Variants in ATXN1 observed in about 807,000 individuals in gnomAD.
The protein encoded by ATXN1 is ataxin-1.
A neutral mutation model predicts 56.4 loss-of-function variants in ATXN1; 8 were observed. The observed-to-expected ratio is 0.14, with a 90% CI of 0.08 to 0.26. The LOEUF (loss-of-function observed/expected upper bound fraction) is 0.26, where lower values mean the gene tolerates loss of function less well. ATXN1 is among the 10% of genes least tolerant of loss of function. ATXN1 has a pLI of 1.00. For missense variants in ATXN1, 987 were observed against 1,106.5 expected (o/e 0.89, Z 1.53); for synonymous variants, 514 against 494.6 (o/e 1.04, Z -0.52).
intron 6 of ATXN1, among the ~76,000 whole-genome samples, chr6:16,453,033 C>G (rs1160345616): frequency 6.6e-6 from 1 of 152,120 alleles, no homozygotes; most frequent in Non-Finnish European, 1.5e-5. Flanking sequence ...GTGATTTAGT[C>G]TTTAAAGTAA....
At chr6:16,383,613 G>A (rs147577993) in intron 6 of ATXN1, among the ~76,000 whole-genome samples, 275 of 152,184 alleles carry the variant, frequency 1.8e-3, no homozygotes, top group Non-Finnish European at 3.0e-3. Context: ...TGCTACTAAC[G>A]GCTTTGCCTA....
intron 3 of ATXN1, among the ~76,000 whole-genome samples, chr6:16,644,588 A>G (rs139888970): frequency 0.013 from 1,550 of 121,470 alleles, 12 homozygotes; most frequent in Non-Finnish European, 0.021. Flanking sequence ...GTGTGTGTGT[A>G]TACACACACA....
intron 6 of ATXN1, among the ~76,000 whole-genome samples, chr6:16,448,631 T>C (rs1441779505): frequency 2.0e-5 from 3 of 152,232 alleles, no homozygotes; most frequent in African/African-American, 7.2e-5. Flanking sequence ...TCTGTAAGTA[T>C]TGGCTCAATA....
chr6:16,436,984 G>A (rs1453376535), intron 6 of ATXN1, among the ~76,000 whole-genome samples: 2 of 152,160 alleles, frequency 1.3e-5, no homozygotes, highest in Non-Finnish European at 2.9e-5. Flanking sequence ...AGGCATCAAG[G>A]ACAACGTCAA....
rs114112534 is a variant in ATXN1 at position 16,366,431 on chromosome 6, G to A, written c.-160-37961C>T. 8.2e-3 allele frequency among the ~76,000 whole-genome samples: 1,242 copies of A among 152,116 alleles called. 3 individuals carry two copies. The highest frequency in any genetic ancestry group is 0.012 in the Non-Finnish European group (838 of 67,982). ...TTAGAATATAACAAAAGGGCCTCTT[G>A]GATTTTGTTAGTTGATCAAGAATCT... is the stretch of plus-strand genomic sequence containing the variant. On this transcript the variant is annotated intron_variant, in intron 6 of 7. Coordinates refer to ENST00000436367, the MANE Select transcript of ATXN1 (RefSeq NM_001128164.2).
intron 6 of ATXN1, among the ~76,000 whole-genome samples, chr6:16,359,288 C>T (rs1268053738): frequency 1.3e-5 from 2 of 152,152 alleles, no homozygotes; most frequent in African/African-American, 2.4e-5. Flanking sequence ...AGTGGGGACT[C>T]GTGGTGCCTC....
intron 5 of ATXN1, among the ~76,000 whole-genome samples, chr6:16,520,214 A>C (rs1761260676): frequency 2.0e-5 from 3 of 152,164 alleles, no homozygotes; most frequent in African/African-American, 7.2e-5. Flanking sequence ...CCCATTGCAT[A>C]CCATGAAACT....
chr6:16,342,003 G>A (rs752954425), intron 6 of ATXN1, among the ~76,000 whole-genome samples: 2 of 150,100 alleles, frequency 1.3e-5, no homozygotes, highest in Non-Finnish European at 2.9e-5. Flanking sequence ...AGCCTCCCAA[G>A]TAGTTGGGAT....
chr6:16,560,377 C>A (rs551045152), intron 4 of ATXN1, among the ~76,000 whole-genome samples: 1 of 149,084 alleles, frequency 6.7e-6, no homozygotes, highest in South Asian at 2.2e-4. Flanking sequence ...TGCAGTGCAC[C>A]GAGATCACAC....
chr6:16,347,244 C>A (rs190205138), intron 6 of ATXN1, among the ~76,000 whole-genome samples: 24 of 152,284 alleles, frequency 1.6e-4, no homozygotes, highest in African/African-American at 5.8e-4. Context: ...CACTGGCAGG[C>A]AGCTCCACCT....
At chr6:16,584,280 A>G (rs923242071) in intron 4 of ATXN1, among the ~76,000 whole-genome samples, 2 of 120,870 alleles carry the variant, frequency 1.7e-5, no homozygotes, top group Non-Finnish European at 3.2e-5. Flanking sequence ...ACATATACAC[A>G]TATATATATA....
intron 4 of ATXN1, among the ~76,000 whole-genome samples, chr6:16,535,491 C>G (rs912432206): frequency 6.6e-6 from 1 of 152,034 alleles, no homozygotes; most frequent in Non-Finnish European, 1.5e-5. Flanking sequence ...ACTAAAACAA[C>G]CAGAGCAACA....
intron 6 of ATXN1, among the ~76,000 whole-genome samples, chr6:16,466,523 G>T (rs1347618810): frequency 1.3e-5 from 2 of 152,030 alleles, no homozygotes; most frequent in Non-Finnish European, 2.9e-5. Context: ...TGAAATCGAA[G>T]AACTTTCACT....
At chr6:16,517,077 T>G (rs2113690508) in intron 5 of ATXN1, among the ~76,000 whole-genome samples, 1 of 152,390 alleles carries the variant, frequency 6.6e-6, no homozygotes, top group Admixed American at 6.5e-5. Flanking sequence ...GCATGGATCA[T>G]CAGGAATTAA....
In ATXN1 at chr6:16,327,198, G is replaced by A. The variant is rs754684463; in HGVS notation, c.1113C>T (p.Ser371=). Residue 371 remains serine (S), a synonymous_variant, in exon 7 of 8, where the codon AGC becomes AGT. Transcript: ENST00000436367. The part of the protein sequence containing the change: ...VVVHPSPSDY[S]SRDPSGVRAS... Reference sequence around the variant, plus strand: ...CCCGGACCCCCGAAGGATCACGACTGCTGTAGTCTGAGGGGCTCGGGTGGA... The same window carrying A: ...CCCGGACCCCCGAAGGATCACGACTACTGTAGTCTGAGGGGCTCGGGTGGA... 6 of 1,613,970 alleles carry A rather than the reference G, an allele frequency of 3.7e-6. No homozygotes were observed. The Admixed American group carries it at 1.0e-4, about 27-fold the overall frequency.
intron 3 of ATXN1, among the ~76,000 whole-genome samples, chr6:16,647,890 A>G (rs1313850922): frequency 6.6e-6 from 1 of 152,204 alleles, no homozygotes; most frequent in Non-Finnish European, 1.5e-5. Flanking sequence ...ATCCTGGCCA[A>G]TACGGTGAGA....
At chr6:16,690,756 G>C (rs1405165600) in intron 2 of ATXN1, among the ~76,000 whole-genome samples, 6 of 152,062 alleles carry the variant, frequency 3.9e-5, no homozygotes, top group Non-Finnish European at 7.4e-5. Flanking sequence ...GTGACCTGCC[G>C]AGCCACAGTT....
chr6:16,374,240 T>C (rs2113495571), intron 6 of ATXN1, among the ~76,000 whole-genome samples: 1 of 150,598 alleles, frequency 6.6e-6, no homozygotes, highest in South Asian at 2.1e-4. Context: ...AACAAGACCA[T>C]ATTCAGTTAA....
At chr6:16,332,197 G>A (rs1389626062) in intron 6 of ATXN1, among the ~76,000 whole-genome samples, 1 of 152,152 alleles carries the variant, frequency 6.6e-6, no homozygotes, top group African/African-American at 2.4e-5. Context: ...GCTGAGGTAT[G>A]TGTCCCTTCT....
Sources: allele counts gnomAD v4.1 joint callset (sites outside exome capture counted in the v4.1 genomes callset), GRCh38; gene constraint gnomAD v4.1.1; transcripts MANE v1.5; gene names NCBI Gene and HGNC (gene_info 2026-07-23, HGNC 2026-07-21).